LRP2: variants seen among roughly 807,000 people sequenced by gnomAD.
LRP2 encodes the protein LDL receptor related protein 2.
A neutral mutation model predicts 531.0 loss-of-function variants in LRP2; 172 were observed. The ratio of observed to expected loss-of-function variants is 0.32; its 90% CI spans 0.29 to 0.37. The LOEUF (loss-of-function observed/expected upper bound fraction) is 0.37. Among genes scored for constraint, LRP2 ranks in the 10% least tolerant of loss-of-function variants. LRP2 has a pLI of 1.00. For missense variants in LRP2, 5,167 were observed against 5,868.3 expected (o/e 0.88, Z 3.90); for synonymous variants, 1,992 against 2,027.6 (o/e 0.98, Z 0.47).
chr2:169,184,868 C>G (rs1687575819), intron 50 of LRP2, among the ~76,000 whole-genome samples: 1 of 152,094 alleles, frequency 6.6e-6, no homozygotes, highest in Admixed American at 6.5e-5. Flanking sequence ...TTAAGGGATC[C>G]TCCTACCTCA....
chr2:169,337,048 T>TC (rs983637993), intron 1 of LRP2, among the ~76,000 whole-genome samples: 28 of 152,052 alleles, frequency 1.8e-4, no homozygotes, highest in African/African-American at 6.8e-4. Flanking sequence ...CCGCCTGACT[T>TC]CCCCCACCGC....
rs762415291 is a variant in LRP2 at position 169,197,020 on chromosome 2, C to G, written c.8589G>C (p.Thr2863=). Residue 2863 remains threonine (T), a synonymous_variant, in exon 46 of 79, where the codon ACG becomes ACC. Coordinates refer to ENST00000649046, the MANE Select transcript of LRP2 (RefSeq NM_004525.3). ...DENPTYCTTH[T]CSSSEFQCAS... ...CGCATTGGAACTCACTGCTGCTGCA[C>G]GTGTGAGTGGCTGCAGGAGGGAAAG... is the stretch of plus-strand genomic sequence containing the variant. 6.2e-7 allele frequency: 1 copy of G among 1,613,794 alleles called. No individual in the cohort carries two copies. Among genetic ancestry groups the G allele is most frequent in the African/African-American group, 1.3e-5 (1 of 74,930 alleles).
chr2:169,228,295 G>T, intron 31 of LRP2, among the ~76,000 whole-genome samples: 1 of 140,242 alleles, frequency 7.1e-6, no homozygotes. Flanking sequence ...CATTTCATTT[G>T]GTTTAACTGC....
chr2:169,362,369 T>G lies in LRP2; in HGVS notation c.31A>C (p.Thr11Pro), dbSNP rs1686192550. Residue 11 changes from threonine to proline, a missense_variant, in exon 1 of 79, where the codon ACG becomes CCG. Coordinates refer to ENST00000649046, the MANE Select transcript of LRP2 (RefSeq NM_004525.3). Reference sequence around the variant, plus strand: ...CAGGCGACGAGAGCCAGGAGCAGCGTGCACGCCACTGCTGCCGGCCCGCGA... The same window carrying G: ...CAGGCGACGAGAGCCAGGAGCAGCGGGCACGCCACTGCTGCCGGCCCGCGA... MDRGPAAVAC[T>P]LLLALVACLA... The G allele has an allele frequency of 6.4e-7, 1 of 1,569,590 alleles. No homozygotes were observed. Among genetic ancestry groups the G allele is most frequent in the African/African-American group, 1.4e-5 (1 of 73,810 alleles).
At chr2:169,232,992 T>C (rs1386921307) in intron 30 of LRP2, among the ~76,000 whole-genome samples, 6 of 152,196 alleles carry the variant, frequency 3.9e-5, no homozygotes, top group Admixed American at 6.5e-5. Flanking sequence ...TTAGGACAAC[T>C]CGTGCTGGCT....
intron 1 of LRP2, among the ~76,000 whole-genome samples, chr2:169,346,848 C>T (rs546079931): frequency 2.0e-4 from 30 of 152,136 alleles, no homozygotes; most frequent in Non-Finnish European, 3.5e-4. Context: ...TTGCTTTTAA[C>T]GACAACTTTT....
In LRP2 at chr2:169,156,307, T is replaced by C; in HGVS notation, c.12118A>G (p.Ser4040Gly). The C allele has an allele frequency of 6.2e-7, 1 of 1,613,752 alleles. No homozygotes were observed. Residue 4040 changes from serine to glycine, a missense_variant, in exon 65 of 79, where the codon AGT (serine) becomes GGT (glycine). By Grantham distance (56) the Ser-to-Gly change is moderately conservative. Transcript: ENST00000649046. ...GCACATCGTTTTCCAGGGCGGTCAC[T>C]CATAGACGTGAAGCCATCAGCACAG... Reference protein sequence around the residue: ...CVCADGFTSMSDRPGKRCAAE... With the variant: ...CVCADGFTSMGDRPGKRCAAE...
intron 19 of LRP2, among the ~76,000 whole-genome samples, chr2:169,248,807 G>A (rs1405443040): frequency 2.3e-5 from 3 of 129,502 alleles, no homozygotes; most frequent in Non-Finnish European, 4.9e-5. Context: ...GCAGAGCGAG[G>A]CATTGCCTCA....
intron 34 of LRP2, among the ~76,000 whole-genome samples, chr2:169,218,700 C>G (rs531807078): frequency 3.6e-4 from 55 of 152,264 alleles, no homozygotes; most frequent in African/African-American, 1.3e-3. Flanking sequence ...TGACCCAATT[C>G]TAGCTTAAGG....
At chr2:169,227,005 A>G (rs1689224063) in intron 31 of LRP2, among the ~76,000 whole-genome samples, 1 of 152,142 alleles carries the variant, frequency 6.6e-6, no homozygotes, top group Admixed American at 6.6e-5. Flanking sequence ...AATCATTGAG[A>G]CTATTCTTGT....
chr2:169,216,309 C>T lies in LRP2; in HGVS notation c.5770G>A (p.Val1924Ile). 6.2e-7 allele frequency: 1 copy of T among 1,613,664 alleles called. No individual in the cohort carries two copies. ...TTCTGCTCTTCGATGTCAAGAGTGA[C>T]ACACTCCAGGTGTTCGAGGTTCCCA... The part of the protein sequence containing the change: ...FTGNLEHLEC[V>I]TLDIEEQKLY... The change falls in exon 35 of 79, where the codon GTC becomes ATC. Residue 1924 changes from valine (V) to isoleucine (I), a missense_variant. Val to Ile is a conservative substitution (Grantham distance 29). This residue lies in a region of LRP2 where 2,811 missense variants were observed against 3,058.0 expected (regional missense o/e 0.92). Transcript: ENST00000649046.
intron 6 of LRP2, 84 bp downstream of exon 6, chr2:169,294,064 G>C: frequency 2.2e-6 from 2 of 906,474 alleles, no homozygotes; most frequent in Admixed American, 3.5e-5. Context: ...CATTGGTGGG[G>C]GAGCGGGGGG....
intron 77 of LRP2, among the ~76,000 whole-genome samples, chr2:169,130,665 C>T (rs1466136262): frequency 4.6e-5 from 7 of 152,156 alleles, no homozygotes; most frequent in African/African-American, 1.7e-4. Context: ...TCAAATCAAC[C>T]TAGGTGATCT....
intron 67 of LRP2, among the ~76,000 whole-genome samples, chr2:169,151,476 G>A (rs903605515): frequency 6.6e-6 from 1 of 152,026 alleles, no homozygotes; most frequent in African/African-American, 2.4e-5. Context: ...GGCACGGTGG[G>A]GCTGGTGCCT....
chr2:169,354,102 G>A (rs989912015), intron 1 of LRP2, among the ~76,000 whole-genome samples: 6 of 152,190 alleles, frequency 3.9e-5, no homozygotes, highest in African/African-American at 1.4e-4. Context: ...TGGGCCCAAA[G>A]TGACAAGCAA....
At chr2:169,198,282 C>T (rs1209545473) in intron 45 of LRP2, among the ~76,000 whole-genome samples, 3 of 152,018 alleles carry the variant, frequency 2.0e-5, no homozygotes, top group Non-Finnish European at 4.4e-5. Flanking sequence ...GGCATGGTGT[C>T]ACATGCACGT....
chr2:169,361,781 C>A (rs147614850), intron 1 of LRP2, among the ~76,000 whole-genome samples: 2 of 152,288 alleles, frequency 1.3e-5, no homozygotes, highest in Non-Finnish European at 2.9e-5. Flanking sequence ...TATCTTGGCT[C>A]GTAAATGATC....
chr2:169,217,733 G>A (rs192092851), intron 34 of LRP2, among the ~76,000 whole-genome samples: 27 of 152,092 alleles, frequency 1.8e-4, no homozygotes, highest in East Asian at 1.9e-4. Flanking sequence ...ATCATGTTCC[G>A]CATATTGACT....
At chr2:169,345,450 T>A (rs1685670815) in intron 1 of LRP2, among the ~76,000 whole-genome samples, 1 of 152,166 alleles carries the variant, frequency 6.6e-6, no homozygotes, top group Admixed American at 6.5e-5. Context: ...GAGACATTCA[T>A]CTGGGAAGGT....
Sources: allele counts gnomAD v4.1 joint callset (sites outside exome capture counted in the v4.1 genomes callset), GRCh38; gene constraint gnomAD v4.1.1; regional missense constraint gnomAD v4.1.1; transcripts MANE v1.5; gene names NCBI Gene and HGNC (gene_info 2026-07-23, HGNC 2026-07-21).